The following ADAM20 variants were observed in gnomAD, a reference collection of about 807,000 sequenced individuals.
ADAM20 encodes disintegrin and metalloproteinase domain-containing protein 20.
For missense variants in ADAM20, 871 were observed against 883.2 expected (o/e 0.99, Z 0.18); for synonymous variants, 305 against 310.2 (o/e 0.98, Z 0.18).
chr14:70,544,420 A>G, the ADAM20 span, among the ~76,000 whole-genome samples: 1 of 152,178 alleles, frequency 6.6e-6, no homozygotes, highest in Non-Finnish European at 1.5e-5. Flanking sequence ...ATAATAGAAA[A>G]TTTATAACTA....
the ADAM20 span, among the ~76,000 whole-genome samples, chr14:70,576,976 T>C: frequency 6.6e-6 from 1 of 152,060 alleles, no homozygotes. Flanking sequence ...CTGTGAAGAA[T>C]AAGCAAGAAG....
At chr14:70,532,899 G>C (rs1010054376) in intron 1 of ADAM20, among the ~76,000 whole-genome samples, 2 of 151,872 alleles carry the variant, frequency 1.3e-5, no homozygotes, top group African/African-American at 4.8e-5. Flanking sequence ...TATATATATG[G>C]CCAACACCAT....
chr14:70,558,707 A>G, the ADAM20 span, among the ~76,000 whole-genome samples: 1 of 152,192 alleles, frequency 6.6e-6, no homozygotes, highest in African/African-American at 2.4e-5. Flanking sequence ...ATATACAAAT[A>G]AAAGTGGGGA....
At chr14:70,534,293 C>A (rs1169615077) in intron 1 of ADAM20, among the ~76,000 whole-genome samples, 1 of 151,830 alleles carries the variant, frequency 6.6e-6, no homozygotes, top group Non-Finnish European at 1.5e-5. Context: ...CTATGGAAAA[C>A]AATATACAGG....
chr14:70,542,938 C>CAA, the ADAM20 span, among the ~76,000 whole-genome samples: 7 of 122,858 alleles, frequency 5.7e-5, no homozygotes, highest in East Asian at 2.3e-4. Context: ...GACTCCATCT[C>CAA]AAAAAAAAAA....
Position 70,523,512 on chromosome 14 carries a change from CA to C in ADAM20, c.1245del (p.Glu416LysfsTer22). On this transcript the variant is annotated frameshift_variant, in exon 2 of 2. Transcript: ENST00000256389. LOFTEE classifies it low-confidence loss of function (END_TRUNC). ...CCACAGTCACATTCCTCCCCTTCTT[CA>C]ACCACTAGATTCCCACAGTACTTCA... ...FRLKYCGNLV[V>X]EEGEECDCGT... The C allele has an allele frequency of 6.2e-7, 1 of 1,614,116 alleles. No individual in the cohort carries two copies. The highest frequency in any genetic ancestry group is 8.5e-7 in the Non-Finnish European group (1 of 1,179,978).
At chr14:70,573,584 G>T in the ADAM20 span, among the ~76,000 whole-genome samples, 1 of 152,108 alleles carries the variant, frequency 6.6e-6, no homozygotes, top group Non-Finnish European at 1.5e-5. Flanking sequence ...TTTAAAAAAA[G>T]ACAGAGTGGC....
the ADAM20 span, among the ~76,000 whole-genome samples, chr14:70,559,807 G>A: frequency 8.1e-6 from 1 of 123,644 alleles, no homozygotes; most frequent in East Asian, 2.3e-4. Context: ...ATGGAGGGAA[G>A]GAAAGCAGGA....
the ADAM20 span, among the ~76,000 whole-genome samples, chr14:70,559,291 G>C: frequency 1.4e-5 from 2 of 147,770 alleles, no homozygotes; most frequent in Admixed American, 6.7e-5. Context: ...AAAAAAAAAA[G>C]CTTACAGTCA....
the ADAM20 span, among the ~76,000 whole-genome samples, chr14:70,564,672 A>G: frequency 6.6e-6 from 1 of 151,928 alleles, no homozygotes; most frequent in South Asian, 2.1e-4. Flanking sequence ...GTTGATAGAC[A>G]ATTAAATTAA....
chr14:70,536,816 T>C (rs1035943354), upstream of ADAM20, among the ~76,000 whole-genome samples: 1 of 151,016 alleles, frequency 6.6e-6, no homozygotes, highest in Non-Finnish European at 1.5e-5. Context: ...TAACCTCCCC[T>C]CCAGCCAGAG....
chr14:70,546,575 G>T, the ADAM20 span, among the ~76,000 whole-genome samples: 2 of 152,140 alleles, frequency 1.3e-5, no homozygotes, highest in Non-Finnish European at 2.9e-5. Context: ...TATCTAGTGA[G>T]CAGAGGGATG....
chr14:70,545,855 A>G, the ADAM20 span, among the ~76,000 whole-genome samples: 1 of 152,232 alleles, frequency 6.6e-6, no homozygotes, highest in Non-Finnish European at 1.5e-5. Flanking sequence ...TGCAGTATGG[A>G]TCAAATGGAC....
At chr14:70,578,154 A>G in the ADAM20 span, among the ~76,000 whole-genome samples, 1 of 152,198 alleles carries the variant, frequency 6.6e-6, no homozygotes, top group African/African-American at 2.4e-5. Context: ...TCCAGAATAT[A>G]TAAAAGAACT....
At chr14:70,567,997 C>T in the ADAM20 span, among the ~76,000 whole-genome samples, 1 of 152,184 alleles carries the variant, frequency 6.6e-6, no homozygotes. Flanking sequence ...CTCCTGTCAA[C>T]ACAGGTGCTA....
At chr14:70,568,087 C>T in the ADAM20 span, among the ~76,000 whole-genome samples, 2 of 152,144 alleles carry the variant, frequency 1.3e-5, no homozygotes, top group African/African-American at 4.8e-5. Context: ...GCCTGAACTG[C>T]ACCACCAAAC....
chr14:70,569,777 A>C, the ADAM20 span, among the ~76,000 whole-genome samples: 2 of 151,162 alleles, frequency 1.3e-5, no homozygotes, highest in South Asian at 4.2e-4. Flanking sequence ...ACCCATATTT[A>C]TAAAACAAAT....
intron 1 of ADAM20, among the ~76,000 whole-genome samples, chr14:70,527,341 T>C (rs1199292045): frequency 6.6e-6 from 1 of 152,196 alleles, no homozygotes; most frequent in Admixed American, 6.5e-5. Flanking sequence ...TAGCCTTACC[T>C]ACTTGAAGAT....
chr14:70,531,235 A>G (rs1482806954), intron 1 of ADAM20, among the ~76,000 whole-genome samples: 3 of 152,200 alleles, frequency 2.0e-5, no homozygotes, highest in Non-Finnish European at 4.4e-5. Context: ...GATATATCAC[A>G]TTCACAGGCA....
Sources: allele counts gnomAD v4.1 joint callset (sites outside exome capture counted in the v4.1 genomes callset), GRCh38; gene constraint gnomAD v4.1.1; transcripts MANE v1.5; gene names NCBI Gene and HGNC (gene_info 2026-07-23, HGNC 2026-07-21).